ANTXR1: variants seen among roughly 807,000 people sequenced by gnomAD.
ANTXR1 encodes anthrax toxin receptor 1.
In ANTXR1, 19 loss-of-function variants were observed where a neutral mutation model predicts 78.1. The observed-to-expected ratio is 0.24, with a 90% CI of 0.17 to 0.36. The LOEUF is 0.36. ANTXR1 is among the 10% of genes least tolerant of loss of function. The probability of loss-of-function intolerance (pLI) is 1.00; values close to 1 mark genes in which losing one functional copy is unlikely to be tolerated. For synonymous variants in ANTXR1, 273 were observed against 260.5 expected (o/e 1.05, Z -0.46); for missense variants, 518 against 718.6 (o/e 0.72, Z 3.19).
In ANTXR1 at chr2:69,220,597, C is replaced by T. The variant is rs1174240667; in HGVS notation, c.1435-24628C>T. 2.0e-5 allele frequency among the ~76,000 whole-genome samples: 3 copies of T among 152,174 alleles called. No homozygotes were observed. In the East Asian group the frequency reaches 5.8e-4, roughly 29 times the overall value. On this transcript the variant is annotated intron_variant, in intron 17 of 17. Transcript: ENST00000303714. ...CTCTATGATTATGAATTATGATAAT[C>T]TTTCTTAAAGCAAGTATGTATATAT...
intron 14 of ANTXR1, among the ~76,000 whole-genome samples, chr2:69,171,449 G>A (rs533690075): frequency 1.3e-5 from 2 of 152,294 alleles, no homozygotes; most frequent in Admixed American, 6.5e-5. Context: ...ACTGCAATTG[G>A]CTTTGCTTCT....
chr2:69,119,293 G>A (rs1024594578), intron 10 of ANTXR1, among the ~76,000 whole-genome samples: 7 of 152,122 alleles, frequency 4.6e-5, no homozygotes, highest in African/African-American at 7.2e-5. Flanking sequence ...TCTCCTCGGC[G>A]TGACCCAGCT....
intron 1 of ANTXR1, among the ~76,000 whole-genome samples, chr2:69,031,927 G>A (rs988659726): frequency 3.9e-5 from 6 of 152,138 alleles, no homozygotes; most frequent in South Asian, 2.1e-4. Flanking sequence ...GGATGTCTCC[G>A]ACTGACCAGG....
In ANTXR1 at chr2:69,245,755, A is replaced by G; in HGVS notation, c.*270A>G. 2.2e-6 allele frequency: 1 copy of G among 445,702 alleles called. No individual in the cohort carries two copies. The highest frequency in any genetic ancestry group is 4.0e-6 in the Non-Finnish European group (1 of 250,368). 27.6% of individuals were successfully genotyped at this position (445,702 alleles called of 1,614,324 possible). On this transcript the variant is annotated 3_prime_UTR_variant, in exon 18 of 18. Coordinates refer to ENST00000303714, the MANE Select transcript of ANTXR1 (RefSeq NM_032208.3). ...AGGTTCCAGAGACAGTGAAACTGCA[A>G]GATGCTCTCAACAGGATTATGTCTC... is the stretch of plus-strand genomic sequence containing the variant.
At chr2:69,062,022 A>C (rs1243413136) in intron 3 of ANTXR1, among the ~76,000 whole-genome samples, 3 of 152,206 alleles carry the variant, frequency 2.0e-5, no homozygotes, top group Non-Finnish European at 4.4e-5. Flanking sequence ...AATTAGAGAG[A>C]AACAAACCCT....
At chr2:69,065,590 A>G (rs1670375417) in intron 3 of ANTXR1, among the ~76,000 whole-genome samples, 1 of 152,204 alleles carries the variant, frequency 6.6e-6, no homozygotes, top group Non-Finnish European at 1.5e-5. Flanking sequence ...AAGGGAAATG[A>G]ACAAATATCT....
intron 9 of ANTXR1, among the ~76,000 whole-genome samples, chr2:69,096,086 G>A (rs553799902): frequency 5.3e-5 from 8 of 151,810 alleles, no homozygotes; most frequent in East Asian, 3.9e-4. Flanking sequence ...GTGAAACCCC[G>A]TCTCTACTAA....
At position 69,070,629 on chromosome 2, in the gene ANTXR1, A is replaced by G. The variant is rs959442892; in HGVS notation, c.297-18A>G. ...AAAAATACTCAAATAAGACTAACAGAGTGTCTTTGGATTTCAGAGAACAAA... is the reference window on the plus strand; with the variant it reads ...AAAAATACTCAAATAAGACTAACAGGGTGTCTTTGGATTTCAGAGAACAAA... On this transcript the variant is annotated intron_variant, in intron 3 of 17. Coordinates refer to ENST00000303714, the MANE Select transcript of ANTXR1 (RefSeq NM_032208.3). The G allele has an allele frequency of 2.2e-5, 36 of 1,612,488 alleles. No individual in the cohort carries two copies. The highest frequency in any genetic ancestry group is 3.0e-5 in the Non-Finnish European group (35 of 1,178,636).
chr2:69,102,712 G>C (rs1671665110), intron 9 of ANTXR1, 130 bp from the exon 10 acceptor site: 4 of 1,019,118 alleles, frequency 3.9e-6, no homozygotes, highest in Non-Finnish European at 6.1e-6. Context: ...TGCTTTTGGT[G>C]TTCAACCTAA....
At chr2:69,123,153 G>A in intron 11 of ANTXR1, 67 bp downstream of exon 11, 1 of 1,519,932 alleles carries the variant, frequency 6.6e-7, no homozygotes, top group South Asian at 1.1e-5. Context: ...CGGGGACAGG[G>A]GAAAAGAAAG....
At chr2:69,059,145 C>G (rs1670156314) in intron 3 of ANTXR1, among the ~76,000 whole-genome samples, 1 of 152,274 alleles carries the variant, frequency 6.6e-6, no homozygotes, top group East Asian at 1.9e-4. Flanking sequence ...TTAGAATATT[C>G]CATAAACTTA....
chr2:69,038,940 C>T (rs753158516), intron 1 of ANTXR1, among the ~76,000 whole-genome samples: 8 of 152,148 alleles, frequency 5.3e-5, no homozygotes, highest in Non-Finnish European at 8.8e-5. Context: ...AAAAAGTCCT[C>T]TTAAATCTCT....
chr2:69,129,033 G>A (rs1243835867), intron 12 of ANTXR1, among the ~76,000 whole-genome samples: 1 of 152,120 alleles, frequency 6.6e-6, no homozygotes, highest in Non-Finnish European at 1.5e-5. Context: ...CCGTCCAAGA[G>A]CTAAAACATT....
rs1052142888 is a variant in ANTXR1, at chr2:69,181,800, T to C, written c.1104T>C (p.Asp368=). The change falls in exon 15 of 18, where the codon GAT becomes GAC. Residue 368 remains aspartate (D), a synonymous_variant. Coordinates refer to ENST00000303714, the MANE Select transcript of ANTXR1 (RefSeq NM_032208.3). ...PAEESEEEDD[D]GLPKKKWPTV... is the part of the protein sequence containing the mutation. The stretch of plus-strand genomic sequence containing the variant: ...TTTCTCTGCAGGAAGAAGATGATGA[T>C]GGTCTGCCTAAGAAAAAGTGGCCAA... 6.2e-7 allele frequency: 1 copy of C among 1,614,138 alleles called. No homozygotes were observed.
chr2:69,118,033 G>A (rs969532524), intron 10 of ANTXR1, among the ~76,000 whole-genome samples: 8 of 151,926 alleles, frequency 5.3e-5, no homozygotes, highest in Non-Finnish European at 1.0e-4. Flanking sequence ...AGATGCCTTG[G>A]GTAAACCTAT....
intron 16 of ANTXR1, among the ~76,000 whole-genome samples, chr2:69,185,141 C>T (rs1221059143): frequency 1.3e-5 from 2 of 152,176 alleles, no homozygotes; most frequent in Admixed American, 1.3e-4. Flanking sequence ...CAGCATCACC[C>T]AAGAACTTGT....
intron 8 of ANTXR1, among the ~76,000 whole-genome samples, chr2:69,078,018 C>G (rs1670792910): frequency 1.3e-5 from 2 of 152,178 alleles, no homozygotes; most frequent in African/African-American, 4.8e-5. Context: ...TGTTGAGACC[C>G]ACTGCTTTCG....
intron 8 of ANTXR1, among the ~76,000 whole-genome samples, chr2:69,084,048 G>T (rs920940750): frequency 6.6e-6 from 1 of 152,112 alleles, no homozygotes; most frequent in African/African-American, 2.4e-5. Context: ...ATTGCAGAGG[G>T]GCATGTTCAG....
intron 13 of ANTXR1, among the ~76,000 whole-genome samples, chr2:69,169,513 GC>G (rs1398374874): frequency 1.3e-5 from 2 of 152,236 alleles, no homozygotes; most frequent in Non-Finnish European, 2.9e-5. Context: ...AGCTGTCCCT[GC>G]TCTGTCCTTA....
Sources: allele counts gnomAD v4.1 joint callset (sites outside exome capture counted in the v4.1 genomes callset), GRCh38; gene constraint gnomAD v4.1.1; transcripts MANE v1.5; gene names NCBI Gene and HGNC (gene_info 2026-07-23, HGNC 2026-07-21).